Variants in ATL1 observed in about 807,000 individuals in gnomAD.
ATL1 encodes the protein atlastin-1.
In ATL1, 31 loss-of-function variants were observed where a neutral mutation model predicts 75.5. That is an observed-to-expected ratio of 0.41 (90% confidence interval 0.31 to 0.55). The LOEUF is 0.55. ATL1 is among the 20% of genes least tolerant of loss of function. The probability of loss-of-function intolerance (pLI) is 0.27; values close to 1 mark genes in which losing one functional copy is unlikely to be tolerated. For synonymous variants in ATL1, 226 were observed against 233.3 expected (o/e 0.97, Z 0.28); for missense variants, 405 against 662.6 (o/e 0.61, Z 4.27).
At chr14:50,560,536 G>A in intron 1 of ATL1, 1 of 572,358 alleles carries the variant, frequency 1.7e-6, no homozygotes, top group Non-Finnish European at 3.1e-6. Flanking sequence ...CGGGCCTCCA[G>A]CTCCTTCTTC....
At chr14:50,594,267 A>T (rs2039191416) in intron 5 of ATL1, among the ~76,000 whole-genome samples, 2 of 152,206 alleles carry the variant, frequency 1.3e-5, no homozygotes, top group African/African-American at 4.8e-5. Flanking sequence ...GAGAACAGCG[A>T]GAACAGAGAA....
At chr14:50,611,883 C>G (rs981285666) in intron 6 of ATL1, among the ~76,000 whole-genome samples, 2 of 152,088 alleles carry the variant, frequency 1.3e-5, no homozygotes, top group African/African-American at 4.8e-5. Flanking sequence ...AACATGTGCA[C>G]ACTCTCTACC....
At chr14:50,595,533 TC>T in intron 5 of ATL1, 42 bp from the exon 6 acceptor site, 1 of 1,596,360 alleles carries the variant, frequency 6.3e-7, no homozygotes. Flanking sequence ...TCTCTCTCTC[TC>T]TCTCTCTCTG....
chr14:50,624,809 C>T (rs1001282397), intron 11 of ATL1, among the ~76,000 whole-genome samples: 1 of 151,992 alleles, frequency 6.6e-6, no homozygotes, highest in Non-Finnish European at 1.5e-5. Flanking sequence ...GTGGCTTACA[C>T]CTGTAATCCC....
rs112195290 is a variant in ATL1, at chr14:50,610,406, T to A, written c.631-2853T>A. ...TTTTATATCCTGCCAATTTGTTAAT[T>A]AACTATGAAAGCAACAGAAGATATG... On this transcript the variant is annotated intron_variant, in intron 6 of 13. Coordinates refer to ENST00000358385, the MANE Select transcript of ATL1 (RefSeq NM_015915.5). Among the ~76,000 whole-genome samples the A allele has an allele frequency of 3.0e-4, 45 of 152,176 alleles. 2 individuals carry two copies. Among genetic ancestry groups the A allele is most frequent in the Admixed American group, 2.4e-3 (36 of 15,264 alleles).
intron 6 of ATL1, among the ~76,000 whole-genome samples, chr14:50,607,432 G>A (rs1478920210): frequency 6.6e-6 from 1 of 152,054 alleles, no homozygotes. Context: ...GTTGACATCA[G>A]TCTGAGAATA....
chr14:50,535,791 A>G (rs1595561695), intron 1 of ATL1, among the ~76,000 whole-genome samples: 2 of 152,152 alleles, frequency 1.3e-5, no homozygotes, highest in South Asian at 4.1e-4. Context: ...TGATCATCAG[A>G]TATGTTACTG....
chr14:50,578,094 TAAC>T (rs2039023193), intron 1 of ATL1, among the ~76,000 whole-genome samples: 3 of 152,156 alleles, frequency 2.0e-5, no homozygotes, highest in Admixed American at 2.0e-4. Flanking sequence ...TCTCATGTAA[TAAC>T]AAATGATTTC....
intron 1 of ATL1, among the ~76,000 whole-genome samples, chr14:50,550,353 C>T (rs1253450633): frequency 6.6e-6 from 1 of 152,166 alleles, no homozygotes; most frequent in African/African-American, 2.4e-5. Context: ...CCATGAGGGT[C>T]CCTACTGAAC....
chr14:50,570,949 C>T (rs1363768778), intron 1 of ATL1, among the ~76,000 whole-genome samples: 1 of 152,178 alleles, frequency 6.6e-6, no homozygotes, highest in Non-Finnish European at 1.5e-5. Context: ...ACGGTCTTTT[C>T]TGAGCCTGTG....
At chr14:50,624,395 G>T (rs1317224436) in intron 11 of ATL1, among the ~76,000 whole-genome samples, 1 of 151,966 alleles carries the variant, frequency 6.6e-6, no homozygotes, top group Non-Finnish European at 1.5e-5. Context: ...GGCAACCTGT[G>T]ATCAGTGAGT....
intron 1 of ATL1, among the ~76,000 whole-genome samples, chr14:50,536,059 C>T (rs1428750208): frequency 1.3e-5 from 2 of 152,240 alleles, no homozygotes; most frequent in Non-Finnish European, 2.9e-5. Flanking sequence ...GCTTCGCAGC[C>T]ACATGGAACT....
intron 1 of ATL1, among the ~76,000 whole-genome samples, chr14:50,570,753 T>A (rs1327821159): frequency 6.6e-6 from 1 of 152,226 alleles, no homozygotes; most frequent in Non-Finnish European, 1.5e-5. Flanking sequence ...AAATGGCCAG[T>A]ACTTTCTTCT....
chr14:50,631,294 A>C (rs1384278634), intron 13 of ATL1, among the ~76,000 whole-genome samples: 1 of 151,934 alleles, frequency 6.6e-6, no homozygotes, highest in Non-Finnish European at 1.5e-5. Context: ...ACAAAAAAAA[A>C]CCAGATCCAA....
chr14:50,558,732 G>C (rs566927141), upstream of ATL1, among the ~76,000 whole-genome samples: 18 of 152,278 alleles, frequency 1.2e-4, 1 homozygote, highest in African/African-American at 3.8e-4. Flanking sequence ...AGCTGAGAAT[G>C]ATAGTAAAGG....
At chr14:50,564,451 C>T (rs2038881711) in intron 1 of ATL1, among the ~76,000 whole-genome samples, 1 of 151,558 alleles carries the variant, frequency 6.6e-6, no homozygotes, top group African/African-American at 2.4e-5. Flanking sequence ...AGATGGAGAC[C>T]ATCCTGGCTG....
intron 1 of ATL1, chr14:50,542,682 C>G (rs1174161460): frequency 6.6e-6 from 1 of 152,008 alleles, no homozygotes; most frequent in Non-Finnish European, 1.5e-5. Flanking sequence ...TCTATAGGCT[C>G]ATAGCCATTT....
chr14:50,580,245 A>T lies in ATL1; in HGVS notation c.35-7586A>T, dbSNP rs533458939. Among the ~76,000 whole-genome samples, 28 of 152,310 alleles carry T rather than the reference A, an allele frequency of 1.8e-4. No homozygotes were observed. In the South Asian group the frequency reaches 5.2e-3, roughly 28 times the overall value. On this transcript the variant is annotated intron_variant, in intron 1 of 13. Coordinates refer to ENST00000358385, the MANE Select transcript of ATL1 (RefSeq NM_015915.5). ...ATATGAATAAAACTGCTATAAACAT[A>T]TTTGTGCAGGTTTGCGTCTGAACAC...
intron 6 of ATL1, among the ~76,000 whole-genome samples, chr14:50,599,551 G>A (rs2039252203): frequency 6.6e-6 from 1 of 152,052 alleles, no homozygotes; most frequent in South Asian, 2.1e-4. Flanking sequence ...GCAGGAATTT[G>A]GAGACAACTT....
Sources: allele counts gnomAD v4.1 joint callset (sites outside exome capture counted in the v4.1 genomes callset), GRCh38; gene constraint gnomAD v4.1.1; transcripts MANE v1.5; gene names NCBI Gene and HGNC (gene_info 2026-07-23, HGNC 2026-07-21).